The following CATSPERE variants were observed in gnomAD, a reference collection of about 807,000 sequenced individuals.
CATSPERE encodes catsper channel auxiliary subunit epsilon, also known as cation channel sperm-associated auxiliary subunit epsilon.
In CATSPERE, 93 loss-of-function variants were observed where a neutral mutation model predicts 114.1. That is an observed-to-expected ratio of 0.81 (90% CI 0.69 to 0.97). The LOEUF is 0.97. Among genes scored for constraint, CATSPERE ranks in the 50% least tolerant of loss-of-function variants. The pLI, the probability that CATSPERE is intolerant of heterozygous loss-of-function variation, is 0.00. For synonymous variants in CATSPERE, 341 were observed against 384.1 expected (o/e 0.89, Z 1.31); for missense variants, 1,058 against 1,131.6 (o/e 0.93, Z 0.93).
intron 6 of CATSPERE, among the ~76,000 whole-genome samples, chr1:244,493,929 G>A (rs574969542): frequency 1.6e-3 from 237 of 152,192 alleles, no homozygotes; most frequent in African/African-American, 4.2e-3. Context: ...TTAGAATGGC[G>A]ATCATTAAAA....
At position 244,518,578 on chromosome 1, in the gene CATSPERE, A is replaced by G. The variant is rs1468152891; in HGVS notation, c.430-14A>G. ...TGAAAATAATAAAAAATGAAATTTA[A>G]TTTGTTTTTACAGAATTCCATAGTA... On this transcript the variant is annotated splice_polypyrimidine_tract_variant and intron_variant, in intron 7 of 21. Transcript: ENST00000366534. 7.0e-7 allele frequency: 1 copy of G among 1,426,926 alleles called. No individual in the cohort carries two copies. The highest frequency in any genetic ancestry group is 9.9e-7 in the Non-Finnish European group (1 of 1,015,104). 88.4% of individuals were successfully genotyped at this position (1,426,926 alleles called of 1,614,324 possible). A position where few individuals can be genotyped will look rare whatever the true frequency, so the allele number is the denominator to read the frequency against.
intron 20 of CATSPERE, among the ~76,000 whole-genome samples, chr1:244,623,921 G>A (rs114070833): frequency 0.011 from 1,620 of 152,222 alleles, 36 homozygotes; most frequent in African/African-American, 0.037. Context: ...GATGGATGCT[G>A]ACTAATTGGG....
At chr1:244,557,765 A>G (rs1311811271) in intron 9 of CATSPERE, among the ~76,000 whole-genome samples, 1 of 150,162 alleles carries the variant, frequency 6.7e-6, no homozygotes, top group Admixed American at 6.7e-5. Flanking sequence ...TGTTTCTTCA[A>G]CCTCATTTTC....
At chr1:244,455,001 A>G (rs1558289755) in intron 1 of CATSPERE, among the ~76,000 whole-genome samples, 1 of 152,304 alleles carries the variant, frequency 6.6e-6, no homozygotes, top group East Asian at 1.9e-4. Flanking sequence ...TCCACCATCT[A>G]GAAGACAGGA....
intron 18 of CATSPERE, among the ~76,000 whole-genome samples, chr1:244,606,231 C>T (rs1278604184): frequency 1.3e-5 from 2 of 152,206 alleles, no homozygotes; most frequent in African/African-American, 4.8e-5. Context: ...CTTCCTTCCA[C>T]CCGCCAGGAC....
intron 20 of CATSPERE, among the ~76,000 whole-genome samples, chr1:244,623,058 T>TTTTATTTATTTA (rs6143712): frequency 0.056 from 8,079 of 145,544 alleles, 252 homozygotes; most frequent in Middle Eastern, 0.076. Context: ...TTTGTCTTAT[T>TTTTATTTATTTA]TTTATTTATT....
Position 244,474,882 on chromosome 1 carries a change from T to C in CATSPERE, c.115-2659T>C, listed in dbSNP as rs1166103535. Among the ~76,000 whole-genome samples the C allele has an allele frequency of 2.0e-5, 3 of 151,886 alleles. No homozygotes were observed. The East Asian group carries it at 5.8e-4, about 29-fold the overall frequency. ...CCTCAGCCTCCCAAGTAGCTGGGACTACAGGTGTGTGCCACCACACCCAGC... is the reference window on the plus strand; with the variant it reads ...CCTCAGCCTCCCAAGTAGCTGGGACCACAGGTGTGTGCCACCACACCCAGC... On this transcript the variant is annotated intron_variant, in intron 2 of 21. Transcript: ENST00000366534.
rs199744144 is a variant in CATSPERE at position 244,578,895 on chromosome 1, C to CT, written c.1951-2894dup. Among the ~76,000 whole-genome samples the CT allele has an allele frequency of 2.1e-3, 303 of 146,152 alleles. 1 individual carries two copies. Among genetic ancestry groups the CT allele is most frequent in the African/African-American group, 6.9e-3 (271 of 39,474 alleles). ...CATTTCAACATTTTTTTTCATTTCTCTTTTTTTGTTTTGTTCTGTTTTTCA... is the reference window on the plus strand; with the variant it reads ...CATTTCAACATTTTTTTTCATTTCTCTTTTTTTTGTTTTGTTCTGTTTTTCA... On this transcript the variant is annotated intron_variant, in intron 11 of 21. Transcript: ENST00000366534.
At chr1:244,495,677 C>A (rs768300061) in intron 6 of CATSPERE, among the ~76,000 whole-genome samples, 4 of 152,024 alleles carry the variant, frequency 2.6e-5, no homozygotes, top group Non-Finnish European at 4.4e-5. Flanking sequence ...GCCGAGATTG[C>A]GCCACTGCAT....
chr1:244,575,839 C>A lies in CATSPERE; in HGVS notation c.1950+3067C>A, dbSNP rs1665167018. 6.6e-6 allele frequency among the ~76,000 whole-genome samples: 1 copy of A among 151,552 alleles called. No homozygotes were observed. The highest frequency in any genetic ancestry group is 2.1e-4 in the South Asian group (1 of 4,798). ...GAAAGGGAAGTTTTGAATATTTTTC[C>A]TATTGCTGGAGGATTGTGTGAGGTT... On this transcript the variant is annotated intron_variant, in intron 11 of 21. Transcript: ENST00000366534. The surrounding 1 kb of genome is among the most constrained non-coding windows in gnomAD (Gnocchi z 4.5).
In CATSPERE at chr1:244,477,950, C is replaced by T; in HGVS notation, c.233C>T (p.Ala78Val). Reference sequence around the variant, plus strand: ...CGTTGTTCCTCACCTGGTGTTCACGCTATAAAACCAATTGTTACTGGCCCA... The same window carrying T: ...CGTTGTTCCTCACCTGGTGTTCACGTTATAAAACCAATTGTTACTGGCCCA... ...ELRCSSPGVH[A>V]IKPIVTGPDE... Residue 78 changes from alanine (A) to valine (V), a missense_variant, in exon 4 of 22, where the codon GCT (alanine) becomes GTT (valine). Physicochemically the swap from Ala to Val is moderately conservative, Grantham distance 64. Coordinates refer to ENST00000366534, the MANE Select transcript of CATSPERE (RefSeq NM_001130957.2). The T allele has an allele frequency of 6.2e-7, 1 of 1,607,828 alleles. No homozygotes were observed. The highest frequency in any genetic ancestry group is 1.3e-5 in the African/African-American group (1 of 74,884).
intron 5 of CATSPERE, among the ~76,000 whole-genome samples, chr1:244,482,687 A>G (rs1050443896): frequency 6.6e-6 from 1 of 152,216 alleles, no homozygotes; most frequent in African/African-American, 2.4e-5. Flanking sequence ...TAATGAAATC[A>G]GTACCCACAT....
At chr1:244,530,064 C>T (rs1375361111) in intron 8 of CATSPERE, among the ~76,000 whole-genome samples, 1 of 152,170 alleles carries the variant, frequency 6.6e-6, no homozygotes, top group Non-Finnish European at 1.5e-5. Context: ...TCTCCTGCCT[C>T]AGCCTCCGAG....
upstream of CATSPERE, among the ~76,000 whole-genome samples, chr1:244,459,079 G>A (rs753469160): frequency 1.4e-5 from 2 of 138,888 alleles, no homozygotes; most frequent in Non-Finnish European, 3.1e-5. Context: ...GCTGGGCTCA[G>A]CTTTTTTTTT....
intron 11 of CATSPERE, among the ~76,000 whole-genome samples, chr1:244,577,210 A>G (rs1322170384): frequency 6.6e-6 from 1 of 151,718 alleles, no homozygotes; most frequent in Non-Finnish European, 1.5e-5. Context: ...AAAATTTTCC[A>G]AAAAAGTCAA....
intron 21 of CATSPERE, among the ~76,000 whole-genome samples, chr1:244,637,497 C>T (rs902172767): frequency 4.6e-5 from 7 of 152,194 alleles, no homozygotes; most frequent in African/African-American, 1.4e-4. Context: ...TCAATCCAGA[C>T]ATCCCATTCT....
chr1:244,461,600 C>G (rs1330876485), intron 1 of CATSPERE, 106 bp downstream of exon 1: 1 of 901,680 alleles, frequency 1.1e-6, no homozygotes, highest in Non-Finnish European at 1.5e-6. Context: ...ACCGCTCGCC[C>G]TGGCCGACCA....
intron 7 of CATSPERE, among the ~76,000 whole-genome samples, chr1:244,513,641 A>G (rs1558404590): frequency 6.6e-6 from 1 of 152,170 alleles, no homozygotes; most frequent in Non-Finnish European, 1.5e-5. Flanking sequence ...TGCAACGAGC[A>G]GGGTGGATCT....
intron 8 of CATSPERE, among the ~76,000 whole-genome samples, chr1:244,536,829 A>G (rs566344203): frequency 6.6e-6 from 1 of 152,078 alleles, no homozygotes; most frequent in Non-Finnish European, 1.5e-5. Context: ...GCTTCTATTC[A>G]CTCATCCTGT....
Sources: gnomAD v4.1 joint callset for allele counts (sites outside exome capture counted in the v4.1 genomes callset) on GRCh38, gnomAD v4.1.1 for gene constraint, Gnocchi (gnomAD v3.1) non-coding constraint, MANE v1.5 for transcripts, NCBI Gene and HGNC (gene_info 2026-07-23, HGNC 2026-07-21) for gene names.